Variants in EPHA6 observed in about 807,000 individuals in gnomAD.
EPHA6 encodes EPH receptor A6, also known as ephrin type-A receptor 6.
In EPHA6, 50 loss-of-function variants were observed where a neutral mutation model predicts 112.0. The ratio of observed to expected loss-of-function variants is 0.45; its 90% CI spans 0.36 to 0.56. The LOEUF is 0.56. Ranked by LOEUF, EPHA6 falls within the 20% of genes least tolerant of loss-of-function variation. EPHA6 has a pLI of 0.00. For synonymous variants in EPHA6, 529 were observed against 490.7 expected, an observed-to-expected ratio of 1.08 and a Z score of -1.03; for missense variants, 1,280 against 1,417.4, an observed-to-expected ratio of 0.90 and a Z score of 1.56.
chr3:97,305,677 T>G (rs947536370), intron 5 of EPHA6, among the ~76,000 whole-genome samples: 2 of 151,824 alleles, frequency 1.3e-5, no homozygotes, highest in African/African-American at 4.8e-5. Context: ...TGAGAACACA[T>G]GGACACAGGG....
chr3:97,648,968 A>C (rs1439622725), intron 14 of EPHA6, among the ~76,000 whole-genome samples: 1 of 152,046 alleles, frequency 6.6e-6, no homozygotes, highest in Non-Finnish European at 1.5e-5. Context: ...AAGCCGAAAA[A>C]TTACTTACAC....
rs570102131 is a variant in EPHA6, at chr3:97,447,844, C to G, written c.1732-724C>G. The G allele has an allele frequency of 2.1e-4, 211 of 983,742 alleles. 1 individual carries two copies. In the African/African-American group the frequency reaches 3.4e-3, roughly 16 times the overall value. 60.9% of individuals were successfully genotyped at this position (983,742 alleles called of 1,614,324 possible). On this transcript the variant is annotated intron_variant, in intron 6 of 17. Coordinates refer to ENST00000389672, the MANE Select transcript of EPHA6 (RefSeq NM_001080448.3). ...GATTCTGCAGGTATGGTAAGTCTTT[C>G]ATGCCTTTCTGTGTTTCCAGTGCTT...
intron 2 of EPHA6, among the ~76,000 whole-genome samples, chr3:96,885,419 G>A (rs1345225300): frequency 6.6e-6 from 1 of 152,020 alleles, no homozygotes; most frequent in African/African-American, 2.4e-5. Context: ...TTATTGGTCT[G>A]TTTGTGGTAT....
intron 3 of EPHA6, among the ~76,000 whole-genome samples, chr3:97,032,662 G>A (rs1192606090): frequency 2.6e-5 from 4 of 151,718 alleles, no homozygotes; most frequent in Admixed American, 2.0e-4. Flanking sequence ...GTGTGTAATC[G>A]AGAATTCTAA....
At chr3:97,091,709 G>A (rs766845441) in intron 3 of EPHA6, among the ~76,000 whole-genome samples, 1 of 152,046 alleles carries the variant, frequency 6.6e-6, no homozygotes, top group Non-Finnish European at 1.5e-5. Flanking sequence ...TATTTAGTGT[G>A]GACCCACTAT....
At chr3:97,346,743 G>C (rs2108879087) in intron 5 of EPHA6, among the ~76,000 whole-genome samples, 1 of 151,494 alleles carries the variant, frequency 6.6e-6, no homozygotes, top group South Asian at 2.1e-4. Context: ...GTAGTCTTTA[G>C]CTGGGATACC....
chr3:97,741,174 C>T (rs1410601325), intron 16 of EPHA6, among the ~76,000 whole-genome samples: 1 of 151,680 alleles, frequency 6.6e-6, no homozygotes, highest in Non-Finnish European at 1.5e-5. Flanking sequence ...AAAGTGAGAC[C>T]CCATCTCTAC....
chr3:97,568,069 G>A (rs1351821770), intron 11 of EPHA6, among the ~76,000 whole-genome samples: 5 of 152,164 alleles, frequency 3.3e-5, no homozygotes, highest in African/African-American at 1.2e-4. Flanking sequence ...TTTGGCTCTG[G>A]ATTGGTTAGT....
At chr3:96,892,041 A>G (rs1420467249) in intron 2 of EPHA6, among the ~76,000 whole-genome samples, 1 of 152,214 alleles carries the variant, frequency 6.6e-6, no homozygotes, top group African/African-American at 2.4e-5. Flanking sequence ...TTGCAGATAT[A>G]TGATTTATTT....
At chr3:97,582,472 A>G in intron 11 of EPHA6, among the ~76,000 whole-genome samples, 1 of 152,212 alleles carries the variant, frequency 6.6e-6, no homozygotes, top group South Asian at 2.1e-4. Context: ...TTGCAGGTAG[A>G]GACATGGAAG....
intron 3 of EPHA6, among the ~76,000 whole-genome samples, chr3:97,053,834 C>T (rs1319324850): frequency 1.3e-5 from 2 of 152,098 alleles, no homozygotes; most frequent in Non-Finnish European, 2.9e-5. Context: ...GCTTAACCTT[C>T]AGAGTACCTC....
At chr3:97,587,657 G>T (rs1035896778) in intron 11 of EPHA6, among the ~76,000 whole-genome samples, 1 of 152,060 alleles carries the variant, frequency 6.6e-6, no homozygotes. Flanking sequence ...TAGTGCTCCT[G>T]GTGGTTTTTT....
At chr3:97,444,335 A>G (rs1476940414) in intron 6 of EPHA6, among the ~76,000 whole-genome samples, 3 of 152,162 alleles carry the variant, frequency 2.0e-5, no homozygotes, top group Non-Finnish European at 2.9e-5. Flanking sequence ...ATGCTGGCCT[A>G]TTGAATCTAT....
intron 14 of EPHA6, among the ~76,000 whole-genome samples, chr3:97,697,008 A>T (rs1350292682): frequency 5.3e-5 from 8 of 152,206 alleles, no homozygotes; most frequent in Non-Finnish European, 8.8e-5. Flanking sequence ...ACAGGTATTA[A>T]TCAGTCAGTG....
chr3:97,309,610 T>G (rs1311814033), intron 5 of EPHA6, among the ~76,000 whole-genome samples: 1 of 151,638 alleles, frequency 6.6e-6, no homozygotes, highest in Admixed American at 6.6e-5. Context: ...GGTAGTTTAC[T>G]GGTAACATAT....
chr3:97,636,157 TA>T (rs1231524547), intron 13 of EPHA6, among the ~76,000 whole-genome samples: 2 of 152,184 alleles, frequency 1.3e-5, no homozygotes, highest in Non-Finnish European at 2.9e-5. Flanking sequence ...GGTGCCCCAT[TA>T]ACATTCACTA....
intron 9 of EPHA6, 50 bp from the exon 10 acceptor site, chr3:97,483,884 A>T: frequency 6.5e-7 from 1 of 1,542,270 alleles, no homozygotes; most frequent in Non-Finnish European, 8.7e-7. Context: ...CAAGATATAG[A>T]CCACTGAGAT....
intron 2 of EPHA6, among the ~76,000 whole-genome samples, chr3:96,890,818 G>T (rs977944046): frequency 6.6e-6 from 1 of 152,192 alleles, no homozygotes; most frequent in Non-Finnish European, 1.5e-5. Flanking sequence ...AGATGTGGTG[G>T]CTCATGCCTG....
At chr3:97,040,499 A>G (rs1021263099) in intron 3 of EPHA6, among the ~76,000 whole-genome samples, 2 of 152,006 alleles carry the variant, frequency 1.3e-5, no homozygotes, top group South Asian at 2.1e-4. Flanking sequence ...TCAATTTATC[A>G]TGGCCTTTGG....
Sources: gnomAD v4.1 joint callset for allele counts (sites outside exome capture counted in the v4.1 genomes callset) on GRCh38, gnomAD v4.1.1 for gene constraint, MANE v1.5 for transcripts, NCBI Gene and HGNC (gene_info 2026-07-23, HGNC 2026-07-21) for gene names.